Variants in CHD1 observed in about 807,000 individuals in gnomAD.
CHD1 encodes ATP-dependent chromatin remodeler CHD1.
Under a neutral mutation model 224.2 loss-of-function variants are expected in CHD1, and 36 were observed. The observed-to-expected ratio is 0.16, with a 90% CI of 0.12 to 0.21. The LOEUF (loss-of-function observed/expected upper bound fraction) is 0.21, where lower values mean the gene tolerates loss of function less well. CHD1 is among the 10% of genes least tolerant of loss of function. CHD1 has a pLI of 1.00. For synonymous variants in CHD1, 668 were observed against 658.3 expected (o/e 1.01, Z -0.23); for missense variants, 1,378 against 1,994.8 (o/e 0.69, Z 5.89).
chr5:98,905,270 T>C (rs952473912), intron 2 of CHD1, among the ~76,000 whole-genome samples, 172 bp from the exon 3 acceptor site: 4 of 152,200 alleles, frequency 2.6e-5, no homozygotes, highest in South Asian at 2.1e-4. Flanking sequence ...ACAACTGCCA[T>C]AGTTGATAAT....
At chr5:98,877,040 G>C (rs573143760) in intron 23 of CHD1, among the ~76,000 whole-genome samples, 62 of 152,244 alleles carry the variant, frequency 4.1e-4, no homozygotes, top group African/African-American at 1.4e-3. Context: ...TATTTTTGTA[G>C]CATGCACCCG....
chr5:98,922,946 AC>A (rs1166073039), intron 2 of CHD1, among the ~76,000 whole-genome samples: 1 of 152,128 alleles, frequency 6.6e-6, no homozygotes, highest in African/African-American at 2.4e-5. Context: ...CCGAGGTCAT[AC>A]CGCTGCACTG....
chr5:98,881,515 T>TC, intron 20 of CHD1, 140 bp from the exon 21 acceptor site: 1 of 438,842 alleles, frequency 2.3e-6, no homozygotes, highest in East Asian at 3.9e-5. Context: ...TAGAATCCTT[T>TC]TTTTTTTTTT....
At chr5:98,866,627 T>C (rs1002136658) in intron 31 of CHD1, among the ~76,000 whole-genome samples, 5 of 152,148 alleles carry the variant, frequency 3.3e-5, no homozygotes, top group Admixed American at 6.5e-5. Context: ...GACTGAAGTA[T>C]GTTAACTGCT....
intron 16 of CHD1, 65 bp from the exon 17 acceptor site, chr5:98,888,305 T>C: frequency 9.3e-7 from 1 of 1,076,768 alleles, no homozygotes; most frequent in East Asian, 2.7e-5. Flanking sequence ...CACGTAACAC[T>C]TTAGTTGCCT....
intron 34 of CHD1, 186 bp downstream of exon 34, chr5:98,858,778 C>T: frequency 2.2e-6 from 1 of 450,146 alleles, no homozygotes; most frequent in Non-Finnish European, 3.9e-6. Flanking sequence ...AAATGAACTA[C>T]AGTTTAAGAG....
intron 2 of CHD1, among the ~76,000 whole-genome samples, chr5:98,908,704 C>T (rs1752202700): frequency 6.6e-6 from 1 of 151,938 alleles, no homozygotes; most frequent in South Asian, 2.1e-4. Flanking sequence ...CTTGAATTAT[C>T]CTTAAAGTGT....
intron 34 of CHD1, 51 bp downstream of exon 34, chr5:98,858,913 T>C (rs1480145108): frequency 1.5e-6 from 2 of 1,331,648 alleles, no homozygotes; most frequent in Non-Finnish European, 2.0e-6. Flanking sequence ...AAACAAAAAT[T>C]TAAAAAAAAT....
chr5:98,895,759 C>A (rs6889590), intron 12 of CHD1, among the ~76,000 whole-genome samples: 3,286 of 146,846 alleles, frequency 0.022, 108 homozygotes, highest in African/African-American at 0.076. Context: ...AAAAAAAAAA[C>A]CCACCAAAAA....
At chr5:98,908,307 T>A (rs1014659036) in intron 2 of CHD1, among the ~76,000 whole-genome samples, 5 of 152,182 alleles carry the variant, frequency 3.3e-5, no homozygotes, top group Non-Finnish European at 7.3e-5. Context: ...CCAGCAAATC[T>A]CTGCCAACTC....
Position 98,892,377 on chromosome 5 carries a change from C to T in CHD1, c.2180+148G>A, listed in dbSNP as rs528196287. 60 of 494,540 alleles carry T rather than the reference C, an allele frequency of 1.2e-4. No individual in the cohort carries two copies. The East Asian group carries it at 1.5e-3, about 13-fold the overall frequency. The allele number at this position is 494,540 out of a possible 1,614,324, so 30.6% of individuals were successfully genotyped here. A position where few individuals can be genotyped will look rare whatever the true frequency, so the allele number is the denominator to read the frequency against. Reference sequence around the variant, plus strand: ...CATTAAATCTCCTTTTGCCTCCTAACGACACAGAATAAACTTATTCTGAAA... The same window carrying T: ...CATTAAATCTCCTTTTGCCTCCTAATGACACAGAATAAACTTATTCTGAAA... On this transcript the variant is annotated intron_variant, in intron 15 of 35. Transcript: ENST00000614616.
intron 20 of CHD1, 104 bp downstream of exon 20, chr5:98,881,871 A>G (rs1461149890): frequency 1.0e-6 from 1 of 977,856 alleles, no homozygotes; most frequent in East Asian, 2.5e-5. Context: ...TATAAAAAGT[A>G]CAACTCTGAA....
intron 1 of CHD1, among the ~76,000 whole-genome samples, 165 bp downstream of exon 1, chr5:98,928,374 C>A (rs981632294): frequency 1.3e-5 from 2 of 152,070 alleles, no homozygotes; most frequent in African/African-American, 4.8e-5. Context: ...GCTCACACGC[C>A]CCCTGCGCGC....
intron 2 of CHD1, among the ~76,000 whole-genome samples, chr5:98,920,796 CAA>C (rs1232499151): frequency 2.4e-4 from 20 of 82,228 alleles, no homozygotes; most frequent in African/African-American, 2.7e-4. Flanking sequence ...GACGCCGTCT[CAA>C]AAAAAAAAAA....
At chr5:98,903,406 T>C (rs1297810079) in intron 4 of CHD1, among the ~76,000 whole-genome samples, 5 of 151,556 alleles carry the variant, frequency 3.3e-5, no homozygotes, top group Admixed American at 6.6e-5. Flanking sequence ...ATCTACTCTT[T>C]CAAAAATATT....
intron 2 of CHD1, among the ~76,000 whole-genome samples, chr5:98,923,714 C>A (rs866357411): frequency 2.6e-5 from 4 of 152,270 alleles, no homozygotes; most frequent in Middle Eastern, 3.4e-3. Context: ...CACCCGGCCA[C>A]AAGGTTTAAT....
chr5:98,894,805 T>A, intron 12 of CHD1, 119 bp from the exon 13 acceptor site: 1 of 495,594 alleles, frequency 2.0e-6, no homozygotes, highest in South Asian at 2.3e-5. Context: ...TATATGTTTA[T>A]GTAATAAAAG....
chr5:98,915,040 C>CA (rs1204516587), intron 2 of CHD1, among the ~76,000 whole-genome samples: 1 of 152,076 alleles, frequency 6.6e-6, no homozygotes, highest in East Asian at 1.9e-4. Context: ...AACAAAAAAA[C>CA]AATTAGTGGC....
intron 32 of CHD1, among the ~76,000 whole-genome samples, chr5:98,862,820 G>A (rs950154679): frequency 3.9e-5 from 6 of 152,136 alleles, no homozygotes; most frequent in African/African-American, 1.4e-4. Flanking sequence ...AAGAGAAGTT[G>A]CCAGGCTTTC....
Sources: allele counts gnomAD v4.1 joint callset (sites outside exome capture counted in the v4.1 genomes callset), GRCh38; gene constraint gnomAD v4.1.1; transcripts MANE v1.5; gene names NCBI Gene and HGNC (gene_info 2026-07-23, HGNC 2026-07-21).